Variants in SMAP1 observed in about 807,000 individuals in gnomAD.
SMAP1 encodes stromal membrane-associated protein 1.
A neutral mutation model predicts 58.5 loss-of-function variants in SMAP1; 24 were observed. The observed-to-expected ratio is 0.41, with a 90% CI of 0.30 to 0.58. The LOEUF is 0.58. Among genes scored for constraint, SMAP1 ranks in the 20% least tolerant of loss-of-function variants. The pLI is 0.29. For missense variants in SMAP1, 563 were observed against 566.3 expected (o/e 0.99, Z 0.06); for synonymous variants, 216 against 196.6 (o/e 1.10, Z -0.82).
intron 3 of SMAP1, among the ~76,000 whole-genome samples, chr6:70,766,808 T>A (rs543290163): frequency 9.2e-5 from 14 of 152,362 alleles, no homozygotes; most frequent in African/African-American, 1.2e-4. Flanking sequence ...GTTTTAGACA[T>A]GAAGTCCTTG....
chr6:70,770,771 C>T (rs181230939), intron 3 of SMAP1, among the ~76,000 whole-genome samples: 1 of 152,310 alleles, frequency 6.6e-6, no homozygotes, highest in South Asian at 2.1e-4. Context: ...TCTCTGTCCA[C>T]CATTGTTCCG....
chr6:70,794,746 G>C, intron 5 of SMAP1, among the ~76,000 whole-genome samples: 1 of 151,194 alleles, frequency 6.6e-6, no homozygotes, highest in East Asian at 1.9e-4. Flanking sequence ...CTTTTTTATG[G>C]CTGCATAGTA....
intron 1 of SMAP1, among the ~76,000 whole-genome samples, chr6:70,696,625 A>G (rs898727726): frequency 3.9e-5 from 6 of 152,152 alleles, no homozygotes; most frequent in African/African-American, 1.2e-4. Flanking sequence ...TGTGAATTCA[A>G]ATTTTTTGAA....
intron 6 of SMAP1, among the ~76,000 whole-genome samples, chr6:70,822,036 A>G (rs1769913728): frequency 6.6e-6 from 1 of 152,196 alleles, no homozygotes. Flanking sequence ...TAATGAAAGA[A>G]AGGCTTTTGT....
At chr6:70,829,592 C>T (rs551887501) in intron 6 of SMAP1, among the ~76,000 whole-genome samples, 68 of 152,256 alleles carry the variant, frequency 4.5e-4, no homozygotes, top group East Asian at 2.3e-3. Flanking sequence ...TAGCCACTTA[C>T]GGAGCCTTTG....
At chr6:70,735,951 T>C (rs973403410) in intron 2 of SMAP1, among the ~76,000 whole-genome samples, 5 of 152,206 alleles carry the variant, frequency 3.3e-5, no homozygotes, top group Non-Finnish European at 5.9e-5. Context: ...TTAGTAAATA[T>C]GGAAACATGA....
At chr6:70,746,258 A>T (rs986835425) in intron 2 of SMAP1, among the ~76,000 whole-genome samples, 1 of 152,156 alleles carries the variant, frequency 6.6e-6, no homozygotes, top group Non-Finnish European at 1.5e-5. Context: ...GCCAGTTTTC[A>T]CAGGGAATGC....
intron 4 of SMAP1, among the ~76,000 whole-genome samples, chr6:70,788,830 G>T (rs1402259919): frequency 6.6e-6 from 1 of 152,158 alleles, no homozygotes; most frequent in Non-Finnish European, 1.5e-5. Flanking sequence ...AAACTATTCA[G>T]GCCTTCTAAG....
intron 4 of SMAP1, among the ~76,000 whole-genome samples, chr6:70,787,013 C>T (rs1349497676): frequency 6.6e-6 from 1 of 152,108 alleles, no homozygotes; most frequent in Non-Finnish European, 1.5e-5. Flanking sequence ...GCCAAAAGAA[C>T]AAAGCTGGAG....
chr6:70,861,616 C>T lies in SMAP1; in HGVS notation c.*1282C>T. The T allele has an allele frequency of 6.5e-7, 1 of 1,547,144 alleles. No homozygotes were observed. On this transcript the variant is annotated 3_prime_UTR_variant, in exon 11 of 11. Coordinates refer to ENST00000370455, the MANE Select transcript of SMAP1 (RefSeq NM_001044305.3). Reference sequence around the variant, plus strand: ...AGCCTAAACTCCAAACATCCTCTTCCATATGGATCCACTGGCTGGACAAAC... The same window carrying T: ...AGCCTAAACTCCAAACATCCTCTTCTATATGGATCCACTGGCTGGACAAAC...
intron 4 of SMAP1, among the ~76,000 whole-genome samples, chr6:70,782,843 G>A (rs962268043): frequency 1.5e-4 from 23 of 152,194 alleles, no homozygotes; most frequent in African/African-American, 5.5e-4. Context: ...AGCCAAGATG[G>A]CTGAATAGGA....
chr6:70,857,119 T>C (rs895475523), intron 9 of SMAP1, 89 bp downstream of exon 9: 167 of 1,321,124 alleles, frequency 1.3e-4, no homozygotes, highest in Non-Finnish European at 1.6e-4. Flanking sequence ...TATCTTTTAT[T>C]GTTCCATGTA....
At chr6:70,757,389 A>T (rs1037384337) in intron 3 of SMAP1, among the ~76,000 whole-genome samples, 3 of 151,648 alleles carry the variant, frequency 2.0e-5, no homozygotes, top group African/African-American at 7.3e-5. Context: ...TAAAGACTTA[A>T]ACGTTAGACC....
chr6:70,674,892 T>C (rs1445546991), intron 1 of SMAP1, among the ~76,000 whole-genome samples: 1 of 152,184 alleles, frequency 6.6e-6, no homozygotes, highest in Non-Finnish European at 1.5e-5. Context: ...GGAGAATTGC[T>C]TGAACCCTGG....
At chr6:70,836,836 A>G in intron 6 of SMAP1, 105 bp from the exon 7 acceptor site, 1 of 896,334 alleles carries the variant, frequency 1.1e-6, no homozygotes, top group South Asian at 2.2e-5. Flanking sequence ...TATGTTTCAT[A>G]TTTTTTTTAC....
At chr6:70,817,137 TA>T (rs1203567646) in intron 6 of SMAP1, among the ~76,000 whole-genome samples, 3,543 of 140,872 alleles carry the variant, frequency 0.025, 130 homozygotes, top group African/African-American at 0.087. Context: ...TATATATATA[TA>T]TTTTTTTTTT....
chr6:70,829,567 T>G (rs748586762), intron 6 of SMAP1, among the ~76,000 whole-genome samples: 20 of 152,202 alleles, frequency 1.3e-4, no homozygotes, highest in Non-Finnish European at 1.9e-4. Flanking sequence ...GTTAGGAGAT[T>G]AACCTTTGCC....
chr6:70,846,067 T>G (rs936047016), intron 7 of SMAP1, among the ~76,000 whole-genome samples: 6 of 152,126 alleles, frequency 3.9e-5, no homozygotes, highest in African/African-American at 7.2e-5. Flanking sequence ...GGCTGTAAAC[T>G]CTAAGAGAGG....
chr6:70,677,512 G>T (rs576317167), intron 1 of SMAP1, among the ~76,000 whole-genome samples: 3 of 134,684 alleles, frequency 2.2e-5, no homozygotes, highest in Non-Finnish European at 3.1e-5. Flanking sequence ...TCTGCCTGCC[G>T]GGTTGATGCC....
Sources: allele counts gnomAD v4.1 joint callset (sites outside exome capture counted in the v4.1 genomes callset), GRCh38; gene constraint gnomAD v4.1.1; transcripts MANE v1.5; gene names NCBI Gene and HGNC (gene_info 2026-07-23, HGNC 2026-07-21).